Variants in TRPM3 observed in about 807,000 individuals in gnomAD.
The protein encoded by TRPM3 is long transient receptor potential channel 3.
Under a neutral mutation model 181.2 loss-of-function variants are expected in TRPM3, and 77 were observed. That is an observed-to-expected ratio of 0.42 (90% confidence interval 0.35 to 0.51). TRPM3 has a LOEUF of 0.51. TRPM3 is among the 20% of genes least tolerant of loss of function. The pLI, the probability that TRPM3 is intolerant of heterozygous loss-of-function variation, is 0.01. For synonymous variants in TRPM3, 745 were observed against 796.4 expected (o/e 0.94, Z 1.09); for missense variants, 1,759 against 2,196.7 (o/e 0.80, Z 3.98).
chr9:70,972,580 A>G (rs1057327367), intron 1 of TRPM3, among the ~76,000 whole-genome samples: 4 of 152,194 alleles, frequency 2.6e-5, no homozygotes, highest in African/African-American at 9.7e-5. Flanking sequence ...TAGTCTACTA[A>G]AATCCACTAA....
chr9:70,536,200 T>TTG lies in TRPM3; in HGVS notation c.4911_4912dup (p.Asn1638ThrfsTer8), dbSNP rs1564188568. On this transcript the variant is annotated frameshift_variant, in exon 26 of 26. Coordinates refer to ENST00000677713, the MANE Select transcript of TRPM3 (RefSeq NM_001366145.2). LOFTEE classifies it high-confidence loss of function. ...GCGCTCTATCTTGGGAACAGTGATGTTGTTGGACAGGGTTCTCTCTGAGTT... is the reference window on the plus strand; with the variant it reads ...GCGCTCTATCTTGGGAACAGTGATGTTGTGTTGGACAGGGTTCTCTCTGAGTT... The TTG allele has an allele frequency of 6.2e-7, 1 of 1,614,184 alleles. No homozygotes were observed.
chr9:70,683,589 C>T (rs2066040823), intron 8 of TRPM3, among the ~76,000 whole-genome samples: 1 of 151,676 alleles, frequency 6.6e-6, no homozygotes, highest in Non-Finnish European at 1.5e-5. Context: ...ATATGAAGAG[C>T]CAAACAAACT....
intron 1 of TRPM3, among the ~76,000 whole-genome samples, chr9:71,269,825 A>C (rs909764048): frequency 9.2e-5 from 14 of 152,198 alleles, no homozygotes; most frequent in African/African-American, 3.4e-4. Context: ...TGATGGCAGA[A>C]TAGGAGGTCA....
intron 1 of TRPM3, among the ~76,000 whole-genome samples, chr9:71,430,964 T>G (rs1291296745): frequency 1.3e-5 from 2 of 152,132 alleles, no homozygotes; most frequent in Admixed American, 1.3e-4. Flanking sequence ...AAAACATAAA[T>G]CCATCCTCTT....
chr9:71,238,674 C>T (rs2081498427), intron 1 of TRPM3, among the ~76,000 whole-genome samples: 1 of 152,098 alleles, frequency 6.6e-6, no homozygotes, highest in Non-Finnish European at 1.5e-5. Context: ...CATTGTAATG[C>T]ATTTGTAACT....
chr9:71,182,132 C>T (rs1238772624), intron 1 of TRPM3, among the ~76,000 whole-genome samples: 1 of 152,112 alleles, frequency 6.6e-6, no homozygotes, highest in East Asian at 1.9e-4. Context: ...CATACAAAAG[C>T]ACTTTATGTG....
At chr9:70,835,773 T>C (rs955296403) in intron 5 of TRPM3, among the ~76,000 whole-genome samples, 1 of 151,994 alleles carries the variant, frequency 6.6e-6, no homozygotes, top group African/African-American at 2.4e-5. Flanking sequence ...ACAATGAAAA[T>C]ATGATCTCAA....
chr9:70,824,291 G>T (rs989629207), intron 6 of TRPM3: 7 of 152,064 alleles, frequency 4.6e-5, no homozygotes, highest in African/African-American at 1.7e-4. Flanking sequence ...TGTTATTGTG[G>T]CATAGTGTTT....
At chr9:70,986,788 A>G (rs967734881) in intron 1 of TRPM3, among the ~76,000 whole-genome samples, 2 of 152,134 alleles carry the variant, frequency 1.3e-5, no homozygotes, top group South Asian at 2.1e-4. Context: ...GATCTCTGGT[A>G]TCAGAAAGGA....
rs1050266171 is a variant in TRPM3 at position 71,134,357 on chromosome 9, T to G, written c.184-269846A>C. On this transcript the variant is annotated intron_variant, in intron 1 of 24. Coordinates refer to the TRPM3 transcript ENST00000357533. ...AGGGGGGAGGATCATGAAGTCACCATCCTGGCCAACATGGTGAAACCCCAT... is the reference window on the plus strand; with the variant it reads ...AGGGGGGAGGATCATGAAGTCACCAGCCTGGCCAACATGGTGAAACCCCAT... Among the ~76,000 whole-genome samples, 11 of 151,972 alleles carry G rather than the reference T, an allele frequency of 7.2e-5. No homozygotes were observed. The South Asian group carries it at 1.5e-3, about 20-fold the overall frequency.
intron 7 of TRPM3, among the ~76,000 whole-genome samples, chr9:70,770,111 T>C (rs902066652): frequency 1.1e-5 from 1 of 94,576 alleles, no homozygotes; most frequent in Non-Finnish European, 3.0e-5. Context: ...ACTCAAAGGG[T>C]GTTTAGAAAT....
chr9:70,997,778 G>A (rs1481177718), intron 1 of TRPM3, among the ~76,000 whole-genome samples: 2 of 152,062 alleles, frequency 1.3e-5, no homozygotes, highest in Non-Finnish European at 2.9e-5. Flanking sequence ...AATTGACTGT[G>A]GATTTCTACT....
chr9:70,933,825 T>C lies in TRPM3; in HGVS notation c.178-69314A>G, dbSNP rs188886154. The stretch of plus-strand genomic sequence containing the variant: ...TAGTATAGAGAAAAGGCATAACTTA[T>C]AGTGTTGGGTTCCTGAGAAGGGCAA... On this transcript the variant is annotated intron_variant, in intron 1 of 25. Transcript: ENST00000677713. Among the ~76,000 whole-genome samples the C allele has an allele frequency of 6.2e-4, 94 of 152,108 alleles. 1 individual carries two copies. Among genetic ancestry groups the C allele is most frequent in the Admixed American group, 6.1e-3 (93 of 15,268 alleles).
At chr9:70,830,072 A>T (rs1401313410) in intron 5 of TRPM3, among the ~76,000 whole-genome samples, 1 of 152,148 alleles carries the variant, frequency 6.6e-6, no homozygotes, top group Non-Finnish European at 1.5e-5. Flanking sequence ...CTTGAGAAGG[A>T]GGGGTAAGAC....
At chr9:70,787,763 C>CTT in intron 6 of TRPM3, among the ~76,000 whole-genome samples, 4 of 68,554 alleles carry the variant, frequency 5.8e-5, no homozygotes, top group South Asian at 1.7e-3. Flanking sequence ...TTTTTGGATT[C>CTT]TTTTTTTTTT....
At chr9:70,597,750 T>C (rs1313721673) in intron 21 of TRPM3, among the ~76,000 whole-genome samples, 1 of 152,210 alleles carries the variant, frequency 6.6e-6, no homozygotes, top group Non-Finnish European at 1.5e-5. Flanking sequence ...TTCTGGAAGC[T>C]AGTTCTTAAC....
chr9:71,122,614 A>G (rs957167629), upstream of TRPM3, among the ~76,000 whole-genome samples: 3 of 152,222 alleles, frequency 2.0e-5, no homozygotes, highest in African/African-American at 4.8e-5. Context: ...TTATGCAGTC[A>G]GAGCTGAACT....
At chr9:71,391,950 A>C (rs1294408680) in intron 1 of TRPM3, among the ~76,000 whole-genome samples, 1 of 152,112 alleles carries the variant, frequency 6.6e-6, no homozygotes, top group Non-Finnish European at 1.5e-5. Context: ...TATGATCAGA[A>C]GAGAAAGAAA....
intron 1 of TRPM3, among the ~76,000 whole-genome samples, chr9:70,900,412 T>A (rs2096368254): frequency 6.6e-6 from 1 of 150,526 alleles, no homozygotes; most frequent in Non-Finnish European, 1.5e-5. Flanking sequence ...GTAAAAAAAA[T>A]AATTGTAGTG....
Sources: gnomAD v4.1 joint callset for allele counts (sites outside exome capture counted in the v4.1 genomes callset) on GRCh38, gnomAD v4.1.1 for gene constraint, MANE v1.5 for transcripts, NCBI Gene and HGNC (gene_info 2026-07-23, HGNC 2026-07-21) for gene names.